RBFOX3: variants seen among roughly 807,000 people sequenced by gnomAD.
RBFOX3 encodes RNA binding fox-1 homolog 3, also known as RNA binding protein fox-1 homolog 3.
RBFOX3 carries 17 observed loss-of-function variants against 48.7 expected under a neutral mutation model. The observed-to-expected ratio is 0.35, with a 90% CI of 0.24 to 0.52. The LOEUF (loss-of-function observed/expected upper bound fraction) is 0.52. Among genes scored for constraint, RBFOX3 ranks in the 20% least tolerant of loss-of-function variants. The pLI, the probability that RBFOX3 is intolerant of heterozygous loss-of-function variation, is 0.94. For synonymous variants in RBFOX3, 212 were observed against 209.5 expected, an observed-to-expected ratio of 1.01 and a Z score of -0.10; for missense variants, 382 against 497.5, an observed-to-expected ratio of 0.77 and a Z score of 2.21.
chr17:79,223,246 C>T (rs544466854), intron 4 of RBFOX3, among the ~76,000 whole-genome samples: 2 of 152,270 alleles, frequency 1.3e-5, no homozygotes, highest in East Asian at 1.9e-4. Flanking sequence ...ACACGGTCCC[C>T]CTACACACAC....
At chr17:79,288,411 T>G (rs2072470818) in intron 3 of RBFOX3, among the ~76,000 whole-genome samples, 1 of 152,150 alleles carries the variant, frequency 6.6e-6, no homozygotes, top group Admixed American at 6.5e-5. Flanking sequence ...TCTCCTGGCC[T>G]TCTTCTGCAG....
At chr17:79,560,512 G>A (rs900008085) in intron 1 of RBFOX3, among the ~76,000 whole-genome samples, 17 of 152,226 alleles carry the variant, frequency 1.1e-4, no homozygotes, top group Non-Finnish European at 1.8e-4. Context: ...TTACCAGGAC[G>A]GTGGGCACCT....
At chr17:79,456,342 G>A (rs781866555) in intron 2 of RBFOX3, among the ~76,000 whole-genome samples, 1 of 152,064 alleles carries the variant, frequency 6.6e-6, no homozygotes, top group African/African-American at 2.4e-5. Context: ...ATCTGGGGCT[G>A]GGTCCTTCTT....
chr17:79,095,171 G>A (rs1287387559), intron 13 of RBFOX3, among the ~76,000 whole-genome samples: 1 of 151,936 alleles, frequency 6.6e-6, no homozygotes, highest in Non-Finnish European at 1.5e-5. Flanking sequence ...AAAGGCACTA[G>A]GCTAGGTTGC....
At chr17:79,154,989 C>T (rs2045451640) in intron 4 of RBFOX3, among the ~76,000 whole-genome samples, 1 of 148,362 alleles carries the variant, frequency 6.7e-6, no homozygotes, top group African/African-American at 2.4e-5. Context: ...GCCTCGGCGT[C>T]TGAGGAAGGG....
chr17:79,246,549 T>C (rs2063194932), intron 3 of RBFOX3, among the ~76,000 whole-genome samples: 1 of 152,208 alleles, frequency 6.6e-6, no homozygotes, highest in African/African-American at 2.4e-5. Flanking sequence ...AGTTCAGCAA[T>C]GATGGTGTCC....
At position 79,453,598 on chromosome 17, in the gene RBFOX3, G is replaced by A. The variant is rs7211650; in HGVS notation, c.-175+28856C>T. Among the ~76,000 whole-genome samples, 691 of 152,330 alleles carry A rather than the reference G, an allele frequency of 4.5e-3. 7 individuals are homozygous for A. Among genetic ancestry groups the A allele is most frequent in the African/African-American group, 0.016 (654 of 41,580 alleles). ...AGGGGTTATGGAGAGAAATAGTGCCGTTTAAGAGTGTGCAGAAGAGTGGGT... is the reference window on the plus strand; with the variant it reads ...AGGGGTTATGGAGAGAAATAGTGCCATTTAAGAGTGTGCAGAAGAGTGGGT... On this transcript the variant is annotated intron_variant, in intron 2 of 14. Coordinates refer to ENST00000693108, the MANE Select transcript of RBFOX3 (RefSeq NM_001350451.2).
chr17:79,448,740 AG>A (rs1477811715), intron 2 of RBFOX3, among the ~76,000 whole-genome samples: 2 of 152,186 alleles, frequency 1.3e-5, no homozygotes, highest in Non-Finnish European at 2.9e-5. Context: ...ACTGGGGCTA[AG>A]GGGCTTCAAC....
chr17:79,523,137 G>A (rs1036006238), intron 1 of RBFOX3, among the ~76,000 whole-genome samples: 6 of 151,760 alleles, frequency 4.0e-5, no homozygotes, highest in South Asian at 2.1e-4. Context: ...GTGGTGGGGG[G>A]GCGGGTGGTT....
At chr17:79,631,134 A>G in the RBFOX3 span, among the ~76,000 whole-genome samples, 1 of 152,182 alleles carries the variant, frequency 6.6e-6, no homozygotes, top group African/African-American at 2.4e-5. Flanking sequence ...CACAGGGTGC[A>G]GTCAACCCTC....
At chr17:79,607,468 C>T (rs1393988911) in intron 1 of RBFOX3, among the ~76,000 whole-genome samples, 1 of 152,172 alleles carries the variant, frequency 6.6e-6, no homozygotes, top group East Asian at 1.9e-4. Context: ...TCGCGTTCAG[C>T]ACTGTGGCTC....
intron 2 of RBFOX3, among the ~76,000 whole-genome samples, chr17:79,370,774 T>C (rs1330069461): frequency 6.6e-6 from 1 of 151,950 alleles, no homozygotes; most frequent in East Asian, 1.9e-4. Flanking sequence ...CACACGCACA[T>C]GTCTCATGCA....
At chr17:79,408,301 C>T (rs569030603) in intron 2 of RBFOX3, among the ~76,000 whole-genome samples, 4 of 152,242 alleles carry the variant, frequency 2.6e-5, no homozygotes, top group East Asian at 1.9e-4. Flanking sequence ...TTCACCCAAG[C>T]GAGACCAGTG....
chr17:79,464,550 G>A (rs1001578046), intron 2 of RBFOX3, among the ~76,000 whole-genome samples: 9 of 152,262 alleles, frequency 5.9e-5, no homozygotes, highest in African/African-American at 1.9e-4. Flanking sequence ...GGAACGTGCC[G>A]TGATGCAGAC....
chr17:79,171,856 G>A (rs72856427), intron 4 of RBFOX3, among the ~76,000 whole-genome samples: 4,560 of 152,174 alleles, frequency 0.03, 81 homozygotes, highest in South Asian at 0.093. Flanking sequence ...AAAGGGTGGA[G>A]GAGGGGGAAG....
intron 4 of RBFOX3, among the ~76,000 whole-genome samples, chr17:79,119,856 C>A (rs6501282): frequency 2.2e-4 from 33 of 152,260 alleles, no homozygotes; most frequent in African/African-American, 7.0e-4. Flanking sequence ...ACACCTGGGC[C>A]GCACTCCTGA....
In RBFOX3 at chr17:79,363,313, T is replaced by C. The variant is rs115871102; in HGVS notation, c.-174-55489A>G. Among the ~76,000 whole-genome samples, 1,178 of 152,192 alleles carry C rather than the reference T, an allele frequency of 7.7e-3. 21 individuals carry two copies. Among genetic ancestry groups the C allele is most frequent in the African/African-American group, 0.027 (1,122 of 41,516 alleles). ...GGGACTCTTTAAAGGGCAAATGCGC[T>C]GTGAATGGAGACTCTCTTGGCAACG... On this transcript the variant is annotated intron_variant, in intron 2 of 14. Coordinates refer to ENST00000693108, the MANE Select transcript of RBFOX3 (RefSeq NM_001350451.2). The surrounding 1 kb of genome is among the most constrained non-coding windows in gnomAD (Gnocchi z 4.7).
chr17:79,234,033 C>T (rs1203791273), intron 4 of RBFOX3: 5 of 152,270 alleles, frequency 3.3e-5, no homozygotes, highest in Admixed American at 2.6e-4. Flanking sequence ...CTGCCCTCCT[C>T]GTGGTGAACA....
chr17:79,271,794 AGAG>A (rs1326945530), intron 3 of RBFOX3, among the ~76,000 whole-genome samples: 2 of 152,246 alleles, frequency 1.3e-5, no homozygotes, highest in African/African-American at 4.8e-5. Context: ...ATCAGATCCC[AGAG>A]AAGAAGCGGA....
Sources: allele counts gnomAD v4.1 joint callset (sites outside exome capture counted in the v4.1 genomes callset), GRCh38; gene constraint gnomAD v4.1.1; non-coding constraint Gnocchi (gnomAD v3.1); transcripts MANE v1.5; gene names NCBI Gene and HGNC (gene_info 2026-07-23, HGNC 2026-07-21).